The following MTERF3 variants were observed in gnomAD, a reference collection of about 807,000 sequenced individuals.
MTERF3 encodes the protein mitochondrial transcription termination factor 3.
In MTERF3, 40 loss-of-function variants were observed where a neutral mutation model predicts 40.5. The ratio of observed to expected loss-of-function variants is 0.99; its 90% CI spans 0.77 to 1.29. MTERF3 has a LOEUF of 1.29. Ranked by LOEUF, MTERF3 falls within the 50% of genes most tolerant of loss-of-function variation. The pLI is 0.00. For synonymous variants in MTERF3, 158 were observed against 166.6 expected (o/e 0.95, Z 0.40); for missense variants, 452 against 478.2 (o/e 0.95, Z 0.51).
intron 7 of MTERF3, among the ~76,000 whole-genome samples, chr8:96,241,094 C>CTA (rs745744468): frequency 8.5e-5 from 13 of 152,056 alleles, no homozygotes; most frequent in Admixed American, 1.3e-4. Flanking sequence ...AGTATGACTC[C>CTA]TATGCAGTGA....
rs1563548885 is a variant in MTERF3, at chr8:96,250,656, GAA to G, written c.677+248_677+249del. 1.7e-4 allele frequency among the ~76,000 whole-genome samples: 5 copies of G among 29,180 alleles called. 1 individual carries two copies. Among genetic ancestry groups the G allele is most frequent in the African/African-American group, 6.5e-4 (5 of 7,656 alleles). The allele number at this position is 29,180 out of a possible 152,430, so 19.1% of individuals were successfully genotyped here. On this transcript the variant is annotated intron_variant, in intron 4 of 7. Transcript: ENST00000287025. ...AGAAGAAGAAGAAGAAGAAGAAGAA[GAA>G]GAAGAAGAAGAAGAAGAAGAAGAAG... is the stretch of plus-strand genomic sequence containing the variant.
chr8:96,260,689 G>A (rs1052163369), intron 1 of MTERF3, among the ~76,000 whole-genome samples: 2 of 152,124 alleles, frequency 1.3e-5, no homozygotes. Context: ...AAAGATCTTT[G>A]TGCATACAAC....
intron 3 of MTERF3, among the ~76,000 whole-genome samples, chr8:96,253,315 G>A (rs1007664568): frequency 1.3e-5 from 2 of 152,164 alleles, no homozygotes; most frequent in African/African-American, 4.8e-5. Flanking sequence ...TATTAAGGAA[G>A]GGCTGCTCAA....
chr8:96,256,655 A>G (rs1174817784), intron 3 of MTERF3, among the ~76,000 whole-genome samples: 2 of 152,224 alleles, frequency 1.3e-5, no homozygotes, highest in East Asian at 3.8e-4. Flanking sequence ...ATGTGTACAT[A>G]CAAGAGATCA....
chr8:96,239,478 C>G lies in MTERF3; in HGVS notation c.*13G>C. The stretch of plus-strand genomic sequence containing the variant: ...TTCACTTTACAATACTGCATTTTAA[C>G]ATACATAAAAATCTAAAGCGTTTTT... On this transcript the variant is annotated 3_prime_UTR_variant, in exon 8 of 8. Coordinates refer to ENST00000287025, the MANE Select transcript of MTERF3 (RefSeq NM_015942.5). 6.4e-7 allele frequency: 1 copy of G among 1,558,720 alleles called. No homozygotes were observed. The highest frequency in any genetic ancestry group is 2.0e-5 in the Admixed American group (1 of 50,468).
chr8:96,258,177 A>G (rs1586173880), intron 2 of MTERF3, 180 bp downstream of exon 2: 4 of 934,836 alleles, frequency 4.3e-6, no homozygotes, highest in South Asian at 9.9e-5. Context: ...TTAGCCCACA[A>G]ACTTTTTTTC....
chr8:96,250,366 TCTAAAGAGAA>T (rs1810106977), intron 4 of MTERF3, among the ~76,000 whole-genome samples: 1 of 145,262 alleles, frequency 6.9e-6, no homozygotes, highest in South Asian at 2.1e-4. Flanking sequence ...TATTCCAGTT[TCTAAAGAGAA>T]AGAGTTAATT....
intron 7 of MTERF3, among the ~76,000 whole-genome samples, chr8:96,241,450 C>T (rs1217708517): frequency 1.3e-5 from 2 of 151,896 alleles, no homozygotes; most frequent in African/African-American, 4.8e-5. Context: ...AAAACTATCA[C>T]CCAACAACAG....
At chr8:96,249,071 G>A (rs1810074617) in intron 4 of MTERF3, among the ~76,000 whole-genome samples, 1 of 152,188 alleles carries the variant, frequency 6.6e-6, no homozygotes, top group African/African-American at 2.4e-5. Flanking sequence ...TTCCTCAATT[G>A]TTAGGAGCAT....
chr8:96,244,702 T>G (rs947886451), intron 6 of MTERF3, among the ~76,000 whole-genome samples: 3 of 152,202 alleles, frequency 2.0e-5, no homozygotes, highest in African/African-American at 7.2e-5. Context: ...CTGACCATGA[T>G]TCTTTTAAAC....
At chr8:96,252,181 C>T (rs1810197765) in intron 3 of MTERF3, among the ~76,000 whole-genome samples, 1 of 152,196 alleles carries the variant, frequency 6.6e-6, no homozygotes, top group Non-Finnish European at 1.5e-5. Context: ...TTGTAAATTG[C>T]CCAGTCTCGG....
intron 1 of MTERF3, among the ~76,000 whole-genome samples, 164 bp downstream of exon 1, chr8:96,261,337 T>C (rs1810383130): frequency 1.3e-5 from 2 of 152,226 alleles, no homozygotes; most frequent in South Asian, 4.1e-4. Flanking sequence ...GAGTTTTCAC[T>C]ACATCAGCCA....
chr8:96,254,572 A>G (rs1486188525), intron 3 of MTERF3, among the ~76,000 whole-genome samples: 3 of 152,196 alleles, frequency 2.0e-5, no homozygotes, highest in Admixed American at 6.5e-5. Context: ...TGTTGCAAAT[A>G]ACAGGATCTC....
At chr8:96,256,580 G>A (rs1212309237) in intron 3 of MTERF3, among the ~76,000 whole-genome samples, 1 of 147,814 alleles carries the variant, frequency 6.8e-6, no homozygotes, top group South Asian at 2.1e-4. Flanking sequence ...TTTAACTACT[G>A]ACTAATGATT....
In MTERF3 at chr8:96,247,097, C is replaced by T. The variant is rs1307873733; in HGVS notation, c.678-643G>A. On this transcript the variant is annotated intron_variant, in intron 4 of 7. Coordinates refer to ENST00000287025, the MANE Select transcript of MTERF3 (RefSeq NM_015942.5). ...AAGTGACTCTCCTGCCTCAGCCTCCCAAGTAGCTGGGATTACAGGCACACA... is the reference window on the plus strand; with the variant it reads ...AAGTGACTCTCCTGCCTCAGCCTCCTAAGTAGCTGGGATTACAGGCACACA... 2.0e-5 allele frequency among the ~76,000 whole-genome samples: 3 copies of T among 152,150 alleles called. No individual in the cohort carries two copies. The East Asian group carries it at 5.8e-4, about 30-fold the overall frequency.
rs776610963 is a variant in MTERF3 at position 96,239,577 on chromosome 8, G to A, written c.1168C>T (p.Leu390=). The change falls in exon 8 of 8, where the codon CTA becomes TTA. Residue 390 remains leucine, a synonymous_variant. Coordinates refer to ENST00000287025, the MANE Select transcript of MTERF3 (RefSeq NM_015942.5). ...AATATTTCATCAGGAATAGATACTAGTTTGTCCAAAGAGATGTAGTTAGGT... is the reference window on the plus strand; with the variant it reads ...AATATTTCATCAGGAATAGATACTAATTTGTCCAAAGAGATGTAGTTAGGT... ...AKPNYISLDK[L]VSIPDEIFCE... 1.2e-6 allele frequency: 2 copies of A among 1,613,132 alleles called. No individual in the cohort carries two copies. The highest frequency in any genetic ancestry group is 4.5e-5 in the East Asian group (2 of 44,808).
chr8:96,257,013 G>T lies in MTERF3; in HGVS notation c.436C>A (p.Leu146Ile). 6 of 1,614,064 alleles carry T rather than the reference G, an allele frequency of 3.7e-6. No homozygotes were observed. The highest frequency in any genetic ancestry group is 1.3e-5 in the African/African-American group (1 of 75,058). The change falls in exon 3 of 8, where the codon CTT (leucine) becomes ATT (isoleucine). Residue 146 changes from leucine to isoleucine, a missense_variant. Physicochemically the swap from Leu to Ile is conservative, Grantham distance 5. Coordinates refer to ENST00000287025, the MANE Select transcript of MTERF3 (RefSeq NM_015942.5). ...DPPLPPASFT[L>I]RDYVDHSETL... ...TCAGAATGATCCACATAGTCTCGAA[G>T]TGTGAATGAAGCTGGTGGCAATGGA...
At chr8:96,257,493 T>C (rs1286905421) in intron 2 of MTERF3, among the ~76,000 whole-genome samples, 1 of 152,212 alleles carries the variant, frequency 6.6e-6, no homozygotes, top group East Asian at 1.9e-4. Context: ...ATTGCATGGA[T>C]TAAAGTAATC....
At position 96,258,659 on chromosome 8, in the gene MTERF3, C is replaced by T. The variant is rs1179402176; in HGVS notation, c.32G>A (p.Trp11Ter). The T allele has an allele frequency of 6.2e-7, 1 of 1,611,046 alleles. No individual in the cohort carries two copies. Among genetic ancestry groups the T allele is most frequent in the Admixed American group, 1.7e-5 (1 of 59,958 alleles). The change falls in exon 2 of 8, where the codon TGG becomes TAG. Residue 11 changes from tryptophan to a stop codon, truncating the protein, a stop_gained. Coordinates refer to ENST00000287025, the MANE Select transcript of MTERF3 (RefSeq NM_015942.5). LOFTEE classifies it high-confidence loss of function. MALSAQQIPRWFNSVKLRSLI... is the reference protein window; with the variant it reads MALSAQQIPR The stretch of plus-strand genomic sequence containing the variant: ...GCTCCTCAACTTAACTGAGTTAAAC[C>T]ATCTGGGTATCTGTTGGGCTGACAA...
Sources: gnomAD v4.1 joint callset for allele counts (sites outside exome capture counted in the v4.1 genomes callset) on GRCh38, gnomAD v4.1.1 for gene constraint, MANE v1.5 for transcripts, NCBI Gene and HGNC (gene_info 2026-07-23, HGNC 2026-07-21) for gene names.